TECR: variants seen among roughly 807,000 people sequenced by gnomAD.
TECR encodes trans-2,3-enoyl-CoA reductase.
Under a neutral mutation model 50.6 loss-of-function variants are expected in TECR, and 19 were observed. The observed-to-expected ratio is 0.38, with a 90% CI of 0.26 to 0.55. TECR has a LOEUF of 0.55. TECR is among the 20% of genes least tolerant of loss of function. TECR has a pLI of 0.79. For missense variants in TECR, 313 were observed against 408.3 expected (o/e 0.77, Z 2.01); for synonymous variants, 168 against 163.5 (o/e 1.03, Z -0.21).
At chr19:14,564,690 C>A (rs368472111) in intron 7 of TECR, 96 bp from the exon 8 acceptor site, 2 of 1,137,094 alleles carry the variant, frequency 1.8e-6, no homozygotes, top group Non-Finnish European at 2.6e-6. Flanking sequence ...CCTGTCCTTT[C>A]CCACCATGCT....
chr19:14,529,695 C>T lies in TECR; in HGVS notation c.-2C>T, dbSNP rs554821641. ...GAGCAGTAGCCGCCGTGGGAGGGAG[C>T]CATGAAGCATTACGAGGTAAGAAGC... On this transcript the variant is annotated 5_prime_UTR_variant, in exon 1 of 13. Transcript: ENST00000215567. 1.9e-6 allele frequency: 3 copies of T among 1,614,082 alleles called. No homozygotes were observed. The highest frequency in any genetic ancestry group is 2.5e-6 in the Non-Finnish European group (3 of 1,180,026).
Position 14,563,989 on chromosome 19 carries a change from T to C in TECR, c.275T>C (p.Leu92Pro). ...GAQISWVTVF[L>P]TEYAGPLFIY... Reference sequence around the variant, plus strand: ...GCCCCCCTCTACTCTCAGGTCTTCCTAACAGAGTACGCGGGGCCCCTTTTC... The same window carrying C: ...GCCCCCCTCTACTCTCAGGTCTTCCCAACAGAGTACGCGGGGCCCCTTTTC... The change falls in exon 6 of 13, where the codon CTA (leucine) becomes CCA (proline). Residue 92 changes from leucine (L) to proline (P), a missense_variant. Transcript: ENST00000215567. This position sits in a 1 kb window ranked among gnomAD's most constrained non-coding sequence, Gnocchi z 5.3. 6.2e-7 allele frequency: 1 copy of C among 1,614,080 alleles called. No homozygotes were observed. The highest frequency in any genetic ancestry group is 1.1e-5 in the South Asian group (1 of 91,090).
chr19:14,540,129 G>A (rs1164204162), intron 1 of TECR, among the ~76,000 whole-genome samples: 1 of 150,686 alleles, frequency 6.6e-6, no homozygotes, highest in Non-Finnish European at 1.5e-5. Flanking sequence ...GCATGATCTC[G>A]GCTCACTGCA....
chr19:14,544,548 T>C (rs2073236750), intron 1 of TECR, among the ~76,000 whole-genome samples: 1 of 150,736 alleles, frequency 6.6e-6, no homozygotes, highest in Non-Finnish European at 1.5e-5. Context: ...GTCCTGAGCT[T>C]ATAGCATATC....
chr19:14,548,618 C>T (rs2073382831), intron 1 of TECR, among the ~76,000 whole-genome samples: 1 of 152,086 alleles, frequency 6.6e-6, no homozygotes, highest in Admixed American at 6.6e-5. Context: ...TGCACTGTCG[C>T]CCAGGCTGGA....
upstream of TECR, chr19:14,529,264 A>C (rs2072516777): frequency 3.2e-6 from 1 of 317,168 alleles, no homozygotes; most frequent in African/African-American, 2.1e-5. Context: ...CTTGCCTGTC[A>C]CTCAACTTCT....
chr19:14,545,265 G>A, intron 1 of TECR: 1 of 453,346 alleles, frequency 2.2e-6, no homozygotes, highest in East Asian at 7.0e-5. Flanking sequence ...CCAGCCTCCG[G>A]GTGTCACCCG....
intron 1 of TECR, among the ~76,000 whole-genome samples, chr19:14,542,679 T>G (rs2073144857): frequency 6.6e-6 from 1 of 152,160 alleles, no homozygotes. Context: ...GTGTTTGTAA[T>G]AAAAATGCAC....
chr19:14,537,975 ACCTCAGGTGATCCGCCCAACTTGG>A (rs1048923223), intron 1 of TECR, among the ~76,000 whole-genome samples: 2 of 151,738 alleles, frequency 1.3e-5, no homozygotes, highest in Non-Finnish European at 2.9e-5. Context: ...GAAACTCTTG[ACCTCAGGTGATCCGCCCAACTTGG>A]CCTCCCAAAG....
Position 14,565,844 on chromosome 19 carries a change from C to A in TECR, c.900C>A (p.Arg300=), listed in dbSNP as rs916097847. ...AGTTCCGGGACTACCCGCCCCTGCG[C>A]ATGCCCATCATCCCCTTCCTGCTCT... ...LKEFRDYPPL[R]MPIIPFLL Residue 300 remains arginine (R), a synonymous_variant, in exon 13 of 13, where the codon CGC becomes CGA. Coordinates refer to ENST00000215567, the MANE Select transcript of TECR (RefSeq NM_138501.6). The A allele has an allele frequency of 8.1e-6, 13 of 1,596,692 alleles. No homozygotes were observed. Among genetic ancestry groups the A allele is most frequent in the Non-Finnish European group, 1.0e-5 (12 of 1,173,284 alleles).
chr19:14,529,550 C>T (rs757939788), upstream of TECR: 19 of 1,246,886 alleles, frequency 1.5e-5, no homozygotes, highest in Non-Finnish European at 2.1e-5. Flanking sequence ...GATTGGCCGA[C>T]GGGGCGCGCG....
At chr19:14,556,885 A>C (rs78394654) in intron 1 of TECR, among the ~76,000 whole-genome samples, 1 of 152,036 alleles carries the variant, frequency 6.6e-6, no homozygotes, top group Non-Finnish European at 1.5e-5. Context: ...CCCGGTGGTG[A>C]CGGGTCAGCT....
intron 1 of TECR, among the ~76,000 whole-genome samples, chr19:14,549,253 G>A (rs562519781): frequency 1.9e-4 from 24 of 126,576 alleles, no homozygotes; most frequent in Admixed American, 1.7e-3. Flanking sequence ...TCACTCTGTC[G>A]CCAGGCTGGG....
chr19:14,528,433 T>G (rs1440469600), upstream of TECR, among the ~76,000 whole-genome samples: 1 of 151,014 alleles, frequency 6.6e-6, no homozygotes, highest in African/African-American at 2.4e-5. Flanking sequence ...AGCGATGAGG[T>G]TTCACCATAT....
At chr19:14,564,329 TGCCCCACCCCGCCCCGCCCCCACCGA>T (rs1225479183) in intron 7 of TECR, 42 bp downstream of exon 7, 1 of 1,435,700 alleles carries the variant, frequency 7.0e-7, no homozygotes, top group Non-Finnish European at 9.3e-7. Flanking sequence ...CCCGCCTTTC[TGCCCCACCCCGCCCCGCCCCCACCGA>T]GCCCCACCCC....
chr19:14,537,749 T>G lies in TECR; in HGVS notation c.15+8038T>G, dbSNP rs545004088. Among the ~76,000 whole-genome samples, 26 of 150,978 alleles carry G rather than the reference T, an allele frequency of 1.7e-4. 1 individual carries two copies. Among genetic ancestry groups the G allele is most frequent in the Non-Finnish European group, 1.3e-4 (9 of 67,574 alleles). On this transcript the variant is annotated intron_variant, in intron 1 of 12. Transcript: ENST00000215567. ...TATAGTGCTTAATTATCAGTGTTTT[T>G]TTTTTTTTTTTTTTGAGACGAAGTC...
intron 1 of TECR, among the ~76,000 whole-genome samples, chr19:14,539,747 G>A (rs1045163576): frequency 6.6e-6 from 1 of 151,846 alleles, no homozygotes; most frequent in Admixed American, 6.6e-5. Context: ...TCGTGTTACC[G>A]AGCGCTCAGC....
At chr19:14,550,096 A>G (rs950981896) in intron 1 of TECR, among the ~76,000 whole-genome samples, 9 of 151,978 alleles carry the variant, frequency 5.9e-5, no homozygotes, top group Non-Finnish European at 8.8e-5. Flanking sequence ...CTTTGCCAAG[A>G]TGTGAGTTCC....
chr19:14,533,778 T>C (rs1238766764), intron 1 of TECR, among the ~76,000 whole-genome samples: 1 of 152,184 alleles, frequency 6.6e-6, no homozygotes, highest in East Asian at 1.9e-4. Flanking sequence ...ACGGGTCACC[T>C]CCAGGCCTTG....
Sources: gnomAD v4.1 joint callset for allele counts (sites outside exome capture counted in the v4.1 genomes callset) on GRCh38, gnomAD v4.1.1 for gene constraint, Gnocchi (gnomAD v3.1) non-coding constraint, MANE v1.5 for transcripts, NCBI Gene and HGNC (gene_info 2026-07-23, HGNC 2026-07-21) for gene names.